The following THSD7B variants were observed in gnomAD, a reference collection of about 807,000 sequenced individuals.
The protein encoded by THSD7B is thrombospondin type 1 domain containing 7B, also known as thrombospondin type-1 domain-containing protein 7B.
In THSD7B, 138 loss-of-function variants were observed where a neutral mutation model predicts 213.6. The observed-to-expected ratio is 0.65, with a 90% CI of 0.56 to 0.74. The LOEUF is 0.74. Ranked by LOEUF, THSD7B falls within the 30% of genes least tolerant of loss-of-function variation. The probability of loss-of-function intolerance (pLI) is 0.00; values close to 1 mark genes in which losing one functional copy is unlikely to be tolerated. For synonymous variants in THSD7B, 742 were observed against 687.0 expected (o/e 1.08, Z -1.25); for missense variants, 1,931 against 1,991.5 (o/e 0.97, Z 0.58).
rs1007312020 is a variant in THSD7B, at chr2:137,021,273, C to T, written c.140-35147C>T. ...TGGCTACTGAGCATTTGAAATGTTA[C>T]GAGTATGAGAAAGGATTGGATGTTT... is the stretch of plus-strand genomic sequence containing the variant. On this transcript the variant is annotated intron_variant, in intron 2 of 27. Coordinates refer to ENST00000409968, the MANE Select transcript of THSD7B (RefSeq NM_001316349.2). 4.6e-5 allele frequency among the ~76,000 whole-genome samples: 7 copies of T among 152,066 alleles called. No individual in the cohort carries two copies. The East Asian group carries it at 5.8e-4, about 13-fold the overall frequency.
intron 2 of THSD7B, among the ~76,000 whole-genome samples, chr2:136,933,032 A>G (rs1451420729): frequency 1.3e-5 from 2 of 152,152 alleles, no homozygotes; most frequent in Non-Finnish European, 2.9e-5. Flanking sequence ...AGCTTCTGTT[A>G]CTGGAGGAAT....
chr2:137,071,517 C>T (rs1409068807), intron 3 of THSD7B, among the ~76,000 whole-genome samples: 2 of 152,186 alleles, frequency 1.3e-5, no homozygotes, highest in Non-Finnish European at 2.9e-5. Context: ...TGCCTGTTCA[C>T]TCTGATGGTA....
intron 2 of THSD7B, among the ~76,000 whole-genome samples, chr2:136,923,189 A>G (rs1431977454): frequency 2.0e-5 from 3 of 152,198 alleles, no homozygotes; most frequent in Admixed American, 6.5e-5. Flanking sequence ...TAGCTACTTC[A>G]TATGAGTGGA....
At chr2:137,177,563 A>G (rs1680382483) in intron 7 of THSD7B, among the ~76,000 whole-genome samples, 1 of 152,156 alleles carries the variant, frequency 6.6e-6, no homozygotes, top group African/African-American at 2.4e-5. Context: ...CCCCTACCCC[A>G]GAGTTTCTGA....
At chr2:137,448,592 G>A (rs1444358047) in intron 14 of THSD7B, among the ~76,000 whole-genome samples, 1 of 151,952 alleles carries the variant, frequency 6.6e-6, no homozygotes, top group Admixed American at 6.6e-5. Context: ...GGCAGATCAC[G>A]AGGTCAGGAG....
chr2:137,059,990 C>T (rs1687242125), intron 3 of THSD7B, among the ~76,000 whole-genome samples: 1 of 152,100 alleles, frequency 6.6e-6, no homozygotes, highest in Admixed American at 6.5e-5. Flanking sequence ...GCAATGCCAC[C>T]AGCAATTAGT....
chr2:137,299,882 T>A (rs1683559674), intron 12 of THSD7B, among the ~76,000 whole-genome samples: 1 of 152,130 alleles, frequency 6.6e-6, no homozygotes, highest in Non-Finnish European at 1.5e-5. Flanking sequence ...TTTGTTATAT[T>A]TTTGAGAAAT....
chr2:137,296,941 A>C (rs1031793471), intron 12 of THSD7B, among the ~76,000 whole-genome samples: 2 of 151,916 alleles, frequency 1.3e-5, no homozygotes, highest in African/African-American at 4.8e-5. Context: ...GGTTCTTTCT[A>C]ATTGGCATAA....
At chr2:137,388,508 T>A (rs1239791005) in intron 12 of THSD7B, among the ~76,000 whole-genome samples, 2 of 152,180 alleles carry the variant, frequency 1.3e-5, no homozygotes, top group Non-Finnish European at 2.9e-5. Flanking sequence ...ATCATTTCTA[T>A]GTGTCAGAAA....
chr2:136,830,433 A>T (rs910105926), intron 1 of THSD7B, among the ~76,000 whole-genome samples: 31 of 152,088 alleles, frequency 2.0e-4, no homozygotes, highest in African/African-American at 7.0e-4. Flanking sequence ...AAGTACTCAG[A>T]TTTCATTTTT....
intron 1 of THSD7B, among the ~76,000 whole-genome samples, chr2:136,771,780 A>G (rs147189928): frequency 6.6e-6 from 1 of 152,254 alleles, no homozygotes; most frequent in African/African-American, 2.4e-5. Context: ...TAAATGGTGA[A>G]GGGCACCACT....
chr2:137,565,433 G>GA, intron 16 of THSD7B, among the ~76,000 whole-genome samples: 1 of 152,188 alleles, frequency 6.6e-6, no homozygotes, highest in East Asian at 1.9e-4. Flanking sequence ...GAGACCACAA[G>GA]AATGAGCCAA....
At chr2:137,484,868 GTTTGT>G (rs1303712594) in intron 15 of THSD7B, among the ~76,000 whole-genome samples, 1 of 17,516 alleles carries the variant, frequency 5.7e-5, no homozygotes, top group Non-Finnish European at 3.4e-4. Context: ...TGATGGGGTT[GTTTGT>G]TTTTTTCTTG....
At chr2:137,624,964 C>A (rs1362562550) in intron 20 of THSD7B, among the ~76,000 whole-genome samples, 1 of 152,130 alleles carries the variant, frequency 6.6e-6, no homozygotes, top group Non-Finnish European at 1.5e-5. Context: ...ACCCAGCGAT[C>A]CCATTACTGG....
At chr2:137,452,553 A>G (rs1375743144) in intron 15 of THSD7B, among the ~76,000 whole-genome samples, 4 of 152,312 alleles carry the variant, frequency 2.6e-5, no homozygotes, top group South Asian at 2.1e-4. Context: ...TAAATAATGT[A>G]TGATAATTCT....
chr2:136,940,425 A>G (rs1316597277), intron 2 of THSD7B, among the ~76,000 whole-genome samples: 2 of 151,980 alleles, frequency 1.3e-5, no homozygotes, highest in East Asian at 1.9e-4. Flanking sequence ...ATGGACCCTA[A>G]GCTCTTTTTG....
chr2:137,064,382 A>T (rs988387719), intron 3 of THSD7B, among the ~76,000 whole-genome samples: 1 of 151,728 alleles, frequency 6.6e-6, no homozygotes, highest in Admixed American at 6.6e-5. Flanking sequence ...GAGTTGTTTG[A>T]GCTTCTTATG....
At chr2:137,305,710 C>T (rs1384567604) in intron 12 of THSD7B, among the ~76,000 whole-genome samples, 1 of 152,062 alleles carries the variant, frequency 6.6e-6, no homozygotes, top group African/African-American at 2.4e-5. Context: ...CCCTTGTGAC[C>T]CTCTCTAAGC....
chr2:137,470,973 G>A (rs1303263748), intron 15 of THSD7B, among the ~76,000 whole-genome samples: 1 of 141,718 alleles, frequency 7.1e-6, no homozygotes, highest in Admixed American at 7.5e-5. Context: ...AGGCTGGAGT[G>A]CAATGGCACA....
Sources: allele counts gnomAD v4.1 joint callset (sites outside exome capture counted in the v4.1 genomes callset), GRCh38; gene constraint gnomAD v4.1.1; transcripts MANE v1.5; gene names NCBI Gene and HGNC (gene_info 2026-07-23, HGNC 2026-07-21).